The following GRID2 variants were observed in gnomAD, a reference collection of about 807,000 sequenced individuals.
The protein encoded by GRID2 is glutamate receptor ionotropic, delta-2.
In GRID2, 33 loss-of-function variants were observed where a neutral mutation model predicts 114.8. The ratio of observed to expected loss-of-function variants is 0.29; its 90% CI spans 0.22 to 0.38. The LOEUF is 0.38. GRID2 is among the 10% of genes least tolerant of loss of function. The pLI, the probability that GRID2 is intolerant of heterozygous loss-of-function variation, is 1.00. For synonymous variants in GRID2, 505 were observed against 449.9 expected (o/e 1.12, Z -1.55); for missense variants, 1,184 against 1,257.7 (o/e 0.94, Z 0.89).
At chr4:93,555,544 A>G (rs1260611641) in intron 13 of GRID2, among the ~76,000 whole-genome samples, 1 of 152,234 alleles carries the variant, frequency 6.6e-6, no homozygotes, top group East Asian at 1.9e-4. Context: ...TGCTATAGCC[A>G]GACTGCCTCT....
At chr4:92,779,554 G>A (rs1490805065) in intron 2 of GRID2, among the ~76,000 whole-genome samples, 1 of 152,046 alleles carries the variant, frequency 6.6e-6, no homozygotes, top group Non-Finnish European at 1.5e-5. Context: ...CAGGAAGCAG[G>A]TTTCTCATAT....
chr4:92,856,333 C>T (rs1744180340), intron 2 of GRID2, among the ~76,000 whole-genome samples: 1 of 152,054 alleles, frequency 6.6e-6, no homozygotes, highest in Admixed American at 6.6e-5. Flanking sequence ...CTCCACCTCC[C>T]ATTCCAGTCC....
intron 13 of GRID2, among the ~76,000 whole-genome samples, chr4:93,571,049 T>C (rs1735887022): frequency 6.6e-6 from 1 of 152,160 alleles, no homozygotes; most frequent in Non-Finnish European, 1.5e-5. Flanking sequence ...TGAGAGAGAA[T>C]ATTATTTTGT....
chr4:93,622,856 C>T (rs1742335515), intron 13 of GRID2, among the ~76,000 whole-genome samples: 1 of 152,072 alleles, frequency 6.6e-6, no homozygotes, highest in African/African-American at 2.4e-5. Context: ...TATTTGCTTC[C>T]TTTACCTTTA....
At chr4:93,792,126 T>A (rs1407658562) in intron 1 of GRID2, among the ~76,000 whole-genome samples, 1 of 152,144 alleles carries the variant, frequency 6.6e-6, no homozygotes, top group Admixed American at 6.5e-5. Context: ...TCCATATTAT[T>A]TTCATATATT....
intron 4 of GRID2, among the ~76,000 whole-genome samples, chr4:93,117,087 T>C (rs565195819): frequency 3.3e-5 from 5 of 152,306 alleles, no homozygotes; most frequent in East Asian, 3.9e-4. Context: ...ATGTGGCTAA[T>C]TGTAAATTTC....
chr4:93,109,422 A>G (rs553898687), intron 3 of GRID2, among the ~76,000 whole-genome samples: 23 of 152,366 alleles, frequency 1.5e-4, no homozygotes, highest in African/African-American at 5.5e-4. Context: ...TTGTTGTTTT[A>G]GTCAATTTGT....
At chr4:93,418,476 C>T (rs776492046) in intron 9 of GRID2, among the ~76,000 whole-genome samples, 3 of 151,938 alleles carry the variant, frequency 2.0e-5, no homozygotes, top group Non-Finnish European at 2.9e-5. Context: ...CAGTTTCCTG[C>T]CAATTAAAAA....
chr4:92,489,789 T>C (rs369229171), intron 1 of GRID2, among the ~76,000 whole-genome samples: 28 of 149,252 alleles, frequency 1.9e-4, no homozygotes, highest in African/African-American at 6.2e-4. Context: ...GAAGTTGCAG[T>C]GAGCCAAGAT....
intron 8 of GRID2, among the ~76,000 whole-genome samples, chr4:93,299,839 C>T (rs1191265848): frequency 6.6e-6 from 1 of 151,908 alleles, no homozygotes; most frequent in Non-Finnish European, 1.5e-5. Flanking sequence ...CTGTAAGAGT[C>T]CCAGATATTT....
intron 2 of GRID2, among the ~76,000 whole-genome samples, chr4:93,070,335 T>C (rs1277900657): frequency 6.6e-6 from 1 of 151,978 alleles, no homozygotes; most frequent in East Asian, 1.9e-4. Context: ...CATAGACAGT[T>C]TTTTTTCCCC....
chr4:93,289,211 G>C (rs1579557894), intron 8 of GRID2, among the ~76,000 whole-genome samples: 1 of 152,134 alleles, frequency 6.6e-6, no homozygotes, highest in South Asian at 2.1e-4. Context: ...TAGTCGTTTT[G>C]CTTGAATGAG....
intron 2 of GRID2, among the ~76,000 whole-genome samples, chr4:92,985,204 A>G (rs1488943833): frequency 1.3e-5 from 2 of 151,204 alleles, no homozygotes; most frequent in African/African-American, 4.9e-5. Flanking sequence ...TTTCTTATAT[A>G]TTTAATCCAA....
At chr4:93,281,365 T>C (rs1424112119) in intron 8 of GRID2, among the ~76,000 whole-genome samples, 1 of 151,766 alleles carries the variant, frequency 6.6e-6, no homozygotes, top group Admixed American at 6.6e-5. Context: ...TGGGTGTATC[T>C]GAAGAGGGCA....
At chr4:93,339,838 C>T (rs1759465485) in intron 8 of GRID2, among the ~76,000 whole-genome samples, 1 of 151,566 alleles carries the variant, frequency 6.6e-6, no homozygotes, top group South Asian at 2.1e-4. Flanking sequence ...AAGGCACCTT[C>T]TTCACAAGGT....
At chr4:92,621,811 TC>T (rs1158931197) in intron 2 of GRID2, among the ~76,000 whole-genome samples, 1 of 151,810 alleles carries the variant, frequency 6.6e-6, no homozygotes, top group Non-Finnish European at 1.5e-5. Flanking sequence ...GTAGAATTTT[TC>T]TTCAAAGTTT....
At chr4:92,794,039 G>A (rs933401191) in intron 2 of GRID2, among the ~76,000 whole-genome samples, 1 of 151,860 alleles carries the variant, frequency 6.6e-6, no homozygotes, top group African/African-American at 2.4e-5. Flanking sequence ...AGTGGCCATT[G>A]TTTGGAAAAT....
chr4:92,814,833 T>TAGGAGCC (rs111392179), intron 2 of GRID2, among the ~76,000 whole-genome samples: 8 of 152,164 alleles, frequency 5.3e-5, no homozygotes, highest in African/African-American at 1.9e-4. Context: ...CCATGTTCTA[T>TAGGAGCC]AGGAGCCAGG....
intron 2 of GRID2, among the ~76,000 whole-genome samples, chr4:92,894,790 T>G (rs557606884): frequency 6.6e-6 from 1 of 152,250 alleles, no homozygotes; most frequent in Non-Finnish European, 1.5e-5. Flanking sequence ...AACCAGTCTT[T>G]ATTTTATGGT....
Sources: gnomAD v4.1 joint callset for allele counts (sites outside exome capture counted in the v4.1 genomes callset) on GRCh38, gnomAD v4.1.1 for gene constraint, MANE v1.5 for transcripts, NCBI Gene and HGNC (gene_info 2026-07-23, HGNC 2026-07-21) for gene names.